MACROD2: variants seen among roughly 807,000 people sequenced by gnomAD.
MACROD2 encodes mono-ADP ribosylhydrolase 2, also known as ADP-ribose glycohydrolase MACROD2.
Under a neutral mutation model 70.4 loss-of-function variants are expected in MACROD2, and 36 were observed. The observed-to-expected ratio is 0.51, with a 90% CI of 0.39 to 0.68. The LOEUF is 0.68. Among genes scored for constraint, MACROD2 ranks in the 30% least tolerant of loss-of-function variants. MACROD2 has a pLI of 0.00. For missense variants in MACROD2, 496 were observed against 538.4 expected (o/e 0.92, Z 0.78); for synonymous variants, 172 against 178.8 (o/e 0.96, Z 0.30).
chr20:14,810,163 T>C (rs993264877), intron 5 of MACROD2, among the ~76,000 whole-genome samples: 1 of 152,148 alleles, frequency 6.6e-6, no homozygotes, highest in Admixed American at 6.5e-5. Flanking sequence ...CCAATATCCC[T>C]GATGAACTTT....
At chr20:15,340,065 C>T (rs1435875664) in intron 6 of MACROD2, among the ~76,000 whole-genome samples, 3 of 151,010 alleles carry the variant, frequency 2.0e-5, no homozygotes, top group African/African-American at 7.3e-5. Context: ...TTTCACCAGG[C>T]CCCAATATGT....
rs3072220 is a variant in MACROD2 at position 15,910,394 on chromosome 20, ATGTGTGTGTG to A, written c.776-22854_776-22845del. Among the ~76,000 whole-genome samples the A allele has an allele frequency of 4.0e-4, 58 of 146,438 alleles. 2 individuals carry two copies. In the East Asian group the frequency reaches 8.0e-3, roughly 20 times the overall value. On this transcript the variant is annotated intron_variant, in intron 10 of 17. Transcript: ENST00000684519. ...TTGTGATGTGGCCAAGTCAGAGGAC[ATGTGTGTGTG>A]TGTGTGTGTGTGTGTGTGTGTGTGT...
chr20:14,820,737 G>C (rs547271660), intron 5 of MACROD2, among the ~76,000 whole-genome samples: 1 of 152,004 alleles, frequency 6.6e-6, no homozygotes, highest in East Asian at 1.9e-4. Flanking sequence ...CCCTTTTTAA[G>C]GATTTAGAGT....
intron 8 of MACROD2, among the ~76,000 whole-genome samples, chr20:15,567,204 T>C (rs1272695713): frequency 6.6e-6 from 1 of 152,130 alleles, no homozygotes. Context: ...AACTTTCCCA[T>C]GAATAAGTAC....
intron 5 of MACROD2, among the ~76,000 whole-genome samples, chr20:14,707,429 C>T (rs779978901): frequency 6.6e-6 from 1 of 152,078 alleles, no homozygotes; most frequent in Non-Finnish European, 1.5e-5. Flanking sequence ...GGTATAAAGG[C>T]GAGGTCTGTG....
At chr20:14,656,012 A>G (rs1340708908) in intron 4 of MACROD2, among the ~76,000 whole-genome samples, 1 of 152,218 alleles carries the variant, frequency 6.6e-6, no homozygotes, top group Non-Finnish European at 1.5e-5. Flanking sequence ...CCTTCTATAA[A>G]TGAGCAAATC....
intron 3 of MACROD2, among the ~76,000 whole-genome samples, chr20:14,196,228 G>C (rs1027731641): frequency 2.0e-5 from 3 of 152,104 alleles, no homozygotes; most frequent in Non-Finnish European, 4.4e-5. Context: ...TGTACTTTAA[G>C]ATTTTAGGCA....
chr20:15,670,613 C>G (rs564306071), intron 8 of MACROD2, among the ~76,000 whole-genome samples: 161 of 152,246 alleles, frequency 1.1e-3, no homozygotes, highest in African/African-American at 3.8e-3. Flanking sequence ...CTTGTGTAAG[C>G]TTCCAGAGAC....
rs1211521277 is a variant in MACROD2 at position 15,969,991 on chromosome 20, AC to A, written c.985+2363del. Among the ~76,000 whole-genome samples, 3 of 151,984 alleles carry A rather than the reference AC, an allele frequency of 2.0e-5. No individual in the cohort carries two copies. The East Asian group carries it at 5.8e-4, about 29-fold the overall frequency. On this transcript the variant is annotated intron_variant, in intron 13 of 17. Transcript: ENST00000684519. The stretch of plus-strand genomic sequence containing the variant: ...ACCCATCATAGTAAAATTCCTGAAA[AC>A]CAAAGATAAACAAAACATCTAAAAA...
At position 15,409,117 on chromosome 20, in the gene MACROD2, G is replaced by A. The variant is rs539390205; in HGVS notation, c.541-22288G>A. ...TGCTAGCCAGTTCTGGTTGGATATA[G>A]GTCAGCTGTGTACAAATGGACACAC... On this transcript the variant is annotated intron_variant, in intron 6 of 17. Transcript: ENST00000684519. 2.6e-5 allele frequency among the ~76,000 whole-genome samples: 4 copies of A among 152,088 alleles called. No homozygotes were observed. In the South Asian group the frequency reaches 8.3e-4, roughly 32 times the overall value.
intron 8 of MACROD2, among the ~76,000 whole-genome samples, chr20:15,522,303 T>C (rs2047663645): frequency 1.3e-5 from 2 of 152,176 alleles, no homozygotes; most frequent in African/African-American, 4.8e-5. Flanking sequence ...ATAAAATGTT[T>C]TTCTACTGTT....
chr20:14,463,544 T>C (rs1176539414), intron 3 of MACROD2, among the ~76,000 whole-genome samples: 1 of 152,098 alleles, frequency 6.6e-6, no homozygotes, highest in East Asian at 1.9e-4. Flanking sequence ...TCCTGCCTGA[T>C]TGCCCTGACC....
chr20:16,023,619 A>T (rs2067035889), intron 15 of MACROD2, among the ~76,000 whole-genome samples: 1 of 152,074 alleles, frequency 6.6e-6, no homozygotes, highest in South Asian at 2.1e-4. Flanking sequence ...TGAGACCGAG[A>T]ATGGAAGGCA....
At chr20:14,277,002 G>T (rs1385787811) in intron 3 of MACROD2, among the ~76,000 whole-genome samples, 1 of 152,112 alleles carries the variant, frequency 6.6e-6, no homozygotes, top group Non-Finnish European at 1.5e-5. Context: ...TAGTTCCCAG[G>T]TTTACATACA....
chr20:14,222,813 G>GGAAAAA (rs1555938552), intron 3 of MACROD2, among the ~76,000 whole-genome samples: 2 of 132,918 alleles, frequency 1.5e-5, no homozygotes, highest in Admixed American at 7.6e-5. Context: ...TTGGATTTCT[G>GGAAAAA]AAAAAAAAAA....
rs1030378996 is a variant in MACROD2 at position 14,641,222 on chromosome 20, C to T, written c.302-43621C>T. The stretch of plus-strand genomic sequence containing the variant: ...CATAAGAAGCAACTCTTCATTGGCT[C>T]AAGTTTTATCACAAGATTGCAGTGA... On this transcript the variant is annotated intron_variant, in intron 4 of 17. Transcript: ENST00000684519. 4.6e-5 allele frequency among the ~76,000 whole-genome samples: 7 copies of T among 152,268 alleles called. No individual in the cohort carries two copies. In the East Asian group the frequency reaches 7.7e-4, roughly 17 times the overall value.
intron 8 of MACROD2, among the ~76,000 whole-genome samples, chr20:15,624,730 A>G (rs1292737022): frequency 6.6e-6 from 1 of 152,098 alleles, no homozygotes; most frequent in Non-Finnish European, 1.5e-5. Context: ...AGCCTACAAC[A>G]TTTTCTCTCT....
At chr20:14,617,200 T>C (rs941134225) in intron 4 of MACROD2, among the ~76,000 whole-genome samples, 8 of 152,146 alleles carry the variant, frequency 5.3e-5, no homozygotes, top group Non-Finnish European at 1.2e-4. Flanking sequence ...TCTTCTTGCT[T>C]GTTTCTCTCT....
chr20:15,707,218 G>A (rs2050548710), intron 8 of MACROD2, among the ~76,000 whole-genome samples: 1 of 152,154 alleles, frequency 6.6e-6, no homozygotes, highest in South Asian at 2.1e-4. Flanking sequence ...AATTTAAGTA[G>A]TCCTTCTCAA....
Sources: gnomAD v4.1 joint callset for allele counts (sites outside exome capture counted in the v4.1 genomes callset) on GRCh38, gnomAD v4.1.1 for gene constraint, MANE v1.5 for transcripts, NCBI Gene and HGNC (gene_info 2026-07-23, HGNC 2026-07-21) for gene names.